The following PLPP1 variants were observed in gnomAD, a reference collection of about 807,000 sequenced individuals.
PLPP1 encodes phospholipid phosphatase 1.
In PLPP1, 24 loss-of-function variants were observed where a neutral mutation model predicts 31.2. The ratio of observed to expected loss-of-function variants is 0.77; its 90% CI spans 0.56 to 1.08. The LOEUF is 1.08. Ranked by LOEUF, PLPP1 falls within the 50% of genes least tolerant of loss-of-function variation. The pLI, the probability that PLPP1 is intolerant of heterozygous loss-of-function variation, is 0.00. For synonymous variants in PLPP1, 146 were observed against 126.3 expected, an observed-to-expected ratio of 1.16 and a Z score of -1.05; for missense variants, 319 against 342.7, an observed-to-expected ratio of 0.93 and a Z score of 0.55.
chr5:55,441,709 G>T, intron 4 of PLPP1, 142 bp downstream of exon 4: 2 of 912,524 alleles, frequency 2.2e-6, no homozygotes, highest in Non-Finnish European at 1.7e-6. Context: ...CTACTTCTCA[G>T]TATGAAACTT....
At chr5:55,482,707 A>C (rs527948168) in intron 1 of PLPP1, among the ~76,000 whole-genome samples, 162 of 152,264 alleles carry the variant, frequency 1.1e-3, no homozygotes, top group Admixed American at 1.1e-3. Flanking sequence ...AACCAACTCC[A>C]ATCTCCTCTG....
rs751500466 is a variant in PLPP1 at position 55,426,006 on chromosome 5, C to T, written c.583G>A (p.Ala195Thr). 10 of 1,609,928 alleles carry T rather than the reference C, an allele frequency of 6.2e-6. No individual in the cohort carries two copies. The Admixed American group carries it at 1.2e-4, about 19-fold the overall frequency. ...TGCAGTGTGGGGCGTAAGAGTCTTG[C>T]CCAGTCTCCCTTCATCCTGGCTTGA... ...YLQARMKGDW[A>T]RLLRPTLQFG... The change falls in exon 5 of 6, where the codon GCA becomes ACA. Residue 195 changes from alanine (A) to threonine (T), a missense_variant. Transcript: ENST00000307259.
At chr5:55,477,361 G>A (rs1280314996) in intron 1 of PLPP1, among the ~76,000 whole-genome samples, 2 of 148,776 alleles carry the variant, frequency 1.3e-5, no homozygotes, top group African/African-American at 4.9e-5. Context: ...AATTTATTTT[G>A]TACATAAAAA....
chr5:55,511,215 G>C lies in PLPP1; in HGVS notation c.58+23357C>G, dbSNP rs1281361396. Among the ~76,000 whole-genome samples, 3 of 152,182 alleles carry C rather than the reference G, an allele frequency of 2.0e-5. No homozygotes were observed. The East Asian group carries it at 5.8e-4, about 29-fold the overall frequency. ...TGTTGTTAAAGGAGTTACTGGAAAA[G>C]AGAGAGAAGCAGGCTGAAAAGGACA... On this transcript the variant is annotated intron_variant, in intron 1 of 5. Transcript: ENST00000307259.
At chr5:55,520,622 G>A (rs1753643580) in intron 1 of PLPP1, among the ~76,000 whole-genome samples, 1 of 152,156 alleles carries the variant, frequency 6.6e-6, no homozygotes, top group Non-Finnish European at 1.5e-5. Flanking sequence ...GAGGTGACCT[G>A]CCCAATGTCA....
intron 3 of PLPP1, among the ~76,000 whole-genome samples, chr5:55,455,634 T>A (rs1274513488): frequency 6.6e-6 from 1 of 152,100 alleles, no homozygotes; most frequent in African/African-American, 2.4e-5. Context: ...TTTTTAAAAA[T>A]AACAAATAGA....
intron 1 of PLPP1, among the ~76,000 whole-genome samples, chr5:55,532,630 T>G (rs1740711086): frequency 6.6e-6 from 1 of 152,180 alleles, no homozygotes; most frequent in Admixed American, 6.5e-5. Flanking sequence ...TAATTATTAA[T>G]AAGTCCCGAC....
chr5:55,508,893 C>A (rs748173329), intron 1 of PLPP1: 3 of 153,936 alleles, frequency 1.9e-5, no homozygotes, highest in Non-Finnish European at 4.4e-5. Flanking sequence ...AAAGTGGGTA[C>A]CATTTAGAAG....
intron 3 of PLPP1, among the ~76,000 whole-genome samples, chr5:55,467,017 C>G (rs1218219747): frequency 6.6e-6 from 1 of 152,146 alleles, no homozygotes; most frequent in Non-Finnish European, 1.5e-5. Context: ...AAAGTTGGAT[C>G]TTCTGAGTTC....
Position 55,505,925 on chromosome 5 carries a change from C to T in PLPP1, c.58+28647G>A, listed in dbSNP as rs753319231. 9.2e-5 allele frequency among the ~76,000 whole-genome samples: 14 copies of T among 152,128 alleles called. No individual in the cohort carries two copies. In the South Asian group the frequency reaches 1.5e-3, roughly 16 times the overall value. ...CACAAAAATTAGCCAGGCATGATGGCGCATGCCTGTGCTCCCAGCTACTCT... is the reference window on the plus strand; with the variant it reads ...CACAAAAATTAGCCAGGCATGATGGTGCATGCCTGTGCTCCCAGCTACTCT... On this transcript the variant is annotated intron_variant, in intron 1 of 5. Transcript: ENST00000307259.
At chr5:55,502,874 C>G (rs1338704932) in intron 1 of PLPP1, among the ~76,000 whole-genome samples, 2 of 152,092 alleles carry the variant, frequency 1.3e-5, no homozygotes, top group Non-Finnish European at 2.9e-5. Context: ...CTCTGAAGAA[C>G]CTATCACTGC....
intron 1 of PLPP1, among the ~76,000 whole-genome samples, chr5:55,520,897 G>C (rs908270773): frequency 2.0e-5 from 3 of 152,190 alleles, no homozygotes; most frequent in East Asian, 3.8e-4. Flanking sequence ...AATGGTTTCA[G>C]GGGAAATTGT....
At chr5:55,511,356 G>C (rs988537146) in intron 1 of PLPP1, among the ~76,000 whole-genome samples, 9 of 152,092 alleles carry the variant, frequency 5.9e-5, no homozygotes, top group African/African-American at 1.2e-4. Context: ...AAAAATGGGG[G>C]CAAAGTGACT....
Position 55,534,551 on chromosome 5 carries a change from GA to G in PLPP1, c.58+20del, listed in dbSNP as rs776140156. On this transcript the variant is annotated intron_variant, in intron 1 of 5. Coordinates refer to ENST00000307259, the MANE Select transcript of PLPP1 (RefSeq NM_003711.4). ...CCGGGACAGCCGCACACGCCCCTCG[GA>G]CCCGGCGGCGCGTACGTACCCAGCA... 3.9e-6 allele frequency: 6 copies of G among 1,528,644 alleles called. No homozygotes were observed. In the South Asian group the frequency reaches 7.4e-5, roughly 19 times the overall value. 94.7% of individuals were successfully genotyped at this position (1,528,644 alleles called of 1,614,324 possible).
chr5:55,510,160 C>T (rs1431446457), intron 1 of PLPP1, among the ~76,000 whole-genome samples: 1 of 152,074 alleles, frequency 6.6e-6, no homozygotes, highest in Non-Finnish European at 1.5e-5. Flanking sequence ...GTGATATAAG[C>T]ACATTTAGAA....
chr5:55,497,294 G>GGA (rs1311388145), intron 1 of PLPP1, among the ~76,000 whole-genome samples: 1 of 152,130 alleles, frequency 6.6e-6, no homozygotes, highest in African/African-American at 2.4e-5. Context: ...CACCTAGGGT[G>GGA]GAGTCCAGTG....
intron 1 of PLPP1, among the ~76,000 whole-genome samples, chr5:55,514,324 T>C (rs1402930168): frequency 6.6e-6 from 1 of 151,774 alleles, no homozygotes; most frequent in African/African-American, 2.4e-5. Context: ...AGGTCAAGGC[T>C]GCAGTTAGCT....
chr5:55,521,541 A>C (rs1368936727), intron 1 of PLPP1, among the ~76,000 whole-genome samples: 1 of 152,038 alleles, frequency 6.6e-6, no homozygotes, highest in Non-Finnish European at 1.5e-5. Flanking sequence ...AACAAAAAAC[A>C]AAAAACTTGA....
intron 3 of PLPP1, among the ~76,000 whole-genome samples, chr5:55,455,465 CACCAACAGCACCTATAGGT>C (rs1751985919): frequency 6.6e-6 from 1 of 152,052 alleles, no homozygotes; most frequent in Non-Finnish European, 1.5e-5. Flanking sequence ...ATGGTGGCTA[CACCAACAGCACCTATAGGT>C]GCCAACAAGC....
Sources: allele counts gnomAD v4.1 joint callset (sites outside exome capture counted in the v4.1 genomes callset), GRCh38; gene constraint gnomAD v4.1.1; transcripts MANE v1.5; gene names NCBI Gene and HGNC (gene_info 2026-07-23, HGNC 2026-07-21).